Variants in SCN9A observed in about 807,000 individuals in gnomAD.
SCN9A encodes sodium voltage-gated channel alpha subunit 9, also known as sodium channel protein type 9 subunit alpha.
Under a neutral mutation model 187.0 loss-of-function variants are expected in SCN9A, and 131 were observed. That is an observed-to-expected ratio of 0.70 (90% confidence interval 0.61 to 0.81). The LOEUF (loss-of-function observed/expected upper bound fraction) is 0.81, where lower values mean the gene tolerates loss of function less well. Ranked by LOEUF, SCN9A falls within the 30% of genes least tolerant of loss-of-function variation. SCN9A has a pLI of 0.00. For missense variants in SCN9A, 2,252 were observed against 2,396.6 expected (o/e 0.94, Z 1.26); for synonymous variants, 809 against 808.6 (o/e 1.00, Z -0.01).
At chr2:166,343,117 A>C (rs980301571) in intron 1 of SCN9A, among the ~76,000 whole-genome samples, 1 of 152,194 alleles carries the variant, frequency 6.6e-6, no homozygotes, top group Non-Finnish European at 1.5e-5. Flanking sequence ...TGAAATAATT[A>C]CACTAATTTT....
At chr2:166,213,605 C>T (rs1237342760) in intron 24 of SCN9A, among the ~76,000 whole-genome samples, 1 of 151,992 alleles carries the variant, frequency 6.6e-6, no homozygotes, top group Non-Finnish European at 1.5e-5. Context: ...CTCAAACTCT[C>T]TTAAAACTTT....
At chr2:166,297,280 G>C (rs1157218857) in intron 7 of SCN9A, among the ~76,000 whole-genome samples, 1 of 138,926 alleles carries the variant, frequency 7.2e-6, no homozygotes, top group Non-Finnish European at 1.5e-5. Flanking sequence ...ACTGAAAATT[G>C]AAAATGTATT....
chr2:166,362,962 T>C (rs1700324497), intron 1 of SCN9A, among the ~76,000 whole-genome samples: 1 of 152,082 alleles, frequency 6.6e-6, no homozygotes, highest in East Asian at 1.9e-4. Context: ...ACCTGGAGTT[T>C]CCATAAATAG....
chr2:166,252,694 A>G (rs1371883704), intron 17 of SCN9A, among the ~76,000 whole-genome samples: 1 of 151,974 alleles, frequency 6.6e-6, no homozygotes, highest in Non-Finnish European at 1.5e-5. Context: ...CATTGTCATT[A>G]TGATCATATA....
rs961974284 is a variant in SCN9A at position 166,352,993 on chromosome 2, T to C, written c.-51+22704A>G. 2.8e-5 allele frequency among the ~76,000 whole-genome samples: 4 copies of C among 143,464 alleles called. No homozygotes were observed. The South Asian group carries it at 6.6e-4, about 24-fold the overall frequency. The allele number at this position is 143,464 out of a possible 152,430, so 94.1% of individuals were successfully genotyped here. ...AGATTTAAAAGTTCCAGGATCGATA[T>C]CTTTCCATTGTATCTGTTTTTTTTT... On this transcript the variant is annotated intron_variant, in intron 1 of 26. Coordinates refer to ENST00000642356, the MANE Select transcript of SCN9A (RefSeq NM_001365536.1).
intron 17 of SCN9A, among the ~76,000 whole-genome samples, chr2:166,265,272 ACC>A (rs551395135): frequency 8.9e-4 from 135 of 151,876 alleles, no homozygotes; most frequent in African/African-American, 3.1e-3. Flanking sequence ...TTCTATGACA[ACC>A]CTTTAGATTC....
rs1693234889 is a variant in SCN9A, at chr2:166,196,012, C to T, written c.*2660G>A. 6.6e-6 allele frequency: 1 copy of T among 152,154 alleles called. No individual in the cohort carries two copies. The allele number at this position is 152,154 out of a possible 1,614,324, so 9.4% of individuals were successfully genotyped here. Reference sequence around the variant, plus strand: ...AGAGAGCTATGATCATGCCATTGCACTCTAGCCTGGGTGACAGAGCGAGAC... The same window carrying T: ...AGAGAGCTATGATCATGCCATTGCATTCTAGCCTGGGTGACAGAGCGAGAC... On this transcript the variant is annotated 3_prime_UTR_variant, in exon 27 of 27. Coordinates refer to ENST00000642356, the MANE Select transcript of SCN9A (RefSeq NM_001365536.1).
rs767028628 is a variant in SCN9A, at chr2:166,284,837, T to G, written c.1603-13A>C. On this transcript the variant is annotated splice_polypyrimidine_tract_variant and intron_variant, in intron 11 of 26. Transcript: ENST00000642356. ...TGCTGAGTGGTGACTGCAGAAAAAT[T>G]AAAAAAAACGTGGTTGCTGAAGCAC... The G allele has an allele frequency of 6.3e-7, 1 of 1,578,812 alleles. No individual in the cohort carries two copies. The highest frequency in any genetic ancestry group is 1.9e-5 in the Admixed American group (1 of 53,332).
rs181431743 is a variant in SCN9A at position 166,294,545 on chromosome 2, T to C, written c.965+54A>G. On this transcript the variant is annotated intron_variant, in intron 8 of 26. Transcript: ENST00000642356. ...GACTAATTTGCAAACTGACTGAACA[T>C]TCTTTTCCTTCTCTTTCAGCCTTTA... 1.4e-5 allele frequency: 19 copies of C among 1,343,046 alleles called. No homozygotes were observed. The African/African-American group carries it at 2.6e-4, about 18-fold the overall frequency. The allele number at this position is 1,343,046 out of a possible 1,614,324, so 83.2% of individuals were successfully genotyped here.
rs74613934 is a variant in SCN9A, at chr2:166,342,170, G to A, written c.-50-30364C>T. Among the ~76,000 whole-genome samples, 609 of 152,238 alleles carry A rather than the reference G, an allele frequency of 4.0e-3. 20 individuals carry two copies. The East Asian group carries it at 0.079, about 20-fold the overall frequency. On this transcript the variant is annotated intron_variant, in intron 1 of 26. Transcript: ENST00000642356. ...GAAAAGCGCACAAACACATCAGCAC[G>A]TATGTATAGACTATATAATACTAAT...
chr2:166,265,958 A>G (rs970820801), intron 17 of SCN9A, among the ~76,000 whole-genome samples: 36 of 151,934 alleles, frequency 2.4e-4, no homozygotes, highest in African/African-American at 8.7e-4. Context: ...TGTTTTAGAT[A>G]TTAACCCATT....
chr2:166,280,280 C>T lies in SCN9A; in HGVS notation c.2343+77G>A, dbSNP rs553209282. ...ATTCTGAGGCTGCAGATTCATCTGACATAAAAAATATGAAATGACAATGAT... is the reference window on the plus strand; with the variant it reads ...ATTCTGAGGCTGCAGATTCATCTGATATAAAAAATATGAAATGACAATGAT... On this transcript the variant is annotated intron_variant, in intron 14 of 26. Coordinates refer to ENST00000642356, the MANE Select transcript of SCN9A (RefSeq NM_001365536.1). 75 of 828,172 alleles carry T rather than the reference C, an allele frequency of 9.1e-5. No individual in the cohort carries two copies. The South Asian group carries it at 1.3e-3, about 15-fold the overall frequency. 51.3% of individuals were successfully genotyped at this position (828,172 alleles called of 1,614,324 possible).
At chr2:166,235,498 T>A (rs1165711264) in intron 20 of SCN9A, among the ~76,000 whole-genome samples, 1 of 152,140 alleles carries the variant, frequency 6.6e-6, no homozygotes, top group Non-Finnish European at 1.5e-5. Context: ...AACAGAATCA[T>A]CTGTAGGGCT....
intron 1 of SCN9A, among the ~76,000 whole-genome samples, chr2:166,320,036 A>G (rs1699199274): frequency 6.6e-6 from 1 of 152,186 alleles, no homozygotes; most frequent in Admixed American, 6.5e-5. Context: ...CATAAATAAA[A>G]TAAATTCCTC....
intron 16 of SCN9A, among the ~76,000 whole-genome samples, chr2:166,274,063 G>A (rs1440652604): frequency 6.6e-6 from 1 of 152,152 alleles, no homozygotes; most frequent in African/African-American, 2.4e-5. Flanking sequence ...ATACATGTTT[G>A]TGTATATTTG....
intron 20 of SCN9A, among the ~76,000 whole-genome samples, chr2:166,234,919 A>G (rs1695248206): frequency 6.6e-6 from 1 of 152,166 alleles, no homozygotes; most frequent in Admixed American, 6.5e-5. Context: ...TTAATGGGTT[A>G]TCATGGGAGT....
intron 8 of SCN9A, among the ~76,000 whole-genome samples, 198 bp from the exon 9 acceptor site, chr2:166,293,570 G>T (rs558160159): frequency 6.6e-6 from 1 of 152,290 alleles, no homozygotes; most frequent in South Asian, 2.1e-4. Flanking sequence ...GTGAAAATAG[G>T]ATAATAACAT....
chr2:166,275,750 A>T (rs1196311395), intron 16 of SCN9A, among the ~76,000 whole-genome samples: 1 of 152,180 alleles, frequency 6.6e-6, no homozygotes, highest in Non-Finnish European at 1.5e-5. Context: ...GGTGATCAAC[A>T]ATTATAGAAT....
At chr2:166,353,159 A>G (rs923936151) in intron 1 of SCN9A, among the ~76,000 whole-genome samples, 8 of 151,442 alleles carry the variant, frequency 5.3e-5, no homozygotes, top group African/African-American at 1.7e-4. Context: ...GTTCAAGTCC[A>G]GCCTGACCAA....
Sources: allele counts gnomAD v4.1 joint callset (sites outside exome capture counted in the v4.1 genomes callset), GRCh38; gene constraint gnomAD v4.1.1; transcripts MANE v1.5; gene names NCBI Gene and HGNC (gene_info 2026-07-23, HGNC 2026-07-21).